The following DLC1 variants were observed in gnomAD, a reference collection of about 807,000 sequenced individuals.
The protein encoded by DLC1 is DLC1 Rho GTPase activating protein.
Under a neutral mutation model 140.3 loss-of-function variants are expected in DLC1, and 54 were observed. The ratio of observed to expected loss-of-function variants is 0.38; its 90% confidence interval spans 0.31 to 0.48. DLC1 has a LOEUF of 0.48. DLC1 is among the 20% of genes least tolerant of loss of function. DLC1 has a pLI of 0.96. For missense variants in DLC1, 2,536 were observed against 1,907.0 expected (o/e 1.33, Z -6.14); for synonymous variants, 986 against 728.1 (o/e 1.35, Z -5.70).
intron 5 of DLC1, chr8:13,276,179 A>T (rs1481907459): frequency 6.6e-7 from 1 of 1,506,422 alleles, no homozygotes; most frequent in African/African-American, 1.4e-5. Flanking sequence ...TCATGAACCA[A>T]GCTTATCACT....
intron 5 of DLC1, among the ~76,000 whole-genome samples, chr8:13,199,267 C>T (rs551656559): frequency 4.9e-5 from 7 of 142,674 alleles, no homozygotes; most frequent in African/African-American, 1.8e-4. Context: ...TCACTGTAAC[C>T]TTGAACTCCT....
chr8:13,424,017 G>C (rs1279692542), intron 2 of DLC1, among the ~76,000 whole-genome samples: 1 of 152,102 alleles, frequency 6.6e-6, no homozygotes, highest in South Asian at 2.1e-4. Flanking sequence ...AAAATAGAAA[G>C]TAAATTAAAC....
At chr8:13,229,429 A>T (rs1828944477) in intron 5 of DLC1, among the ~76,000 whole-genome samples, 1 of 152,244 alleles carries the variant, frequency 6.6e-6, no homozygotes, top group Admixed American at 6.5e-5. Flanking sequence ...CTTAGGACTC[A>T]GTTGGGGGGT....
chr8:13,469,011 G>C (rs1800082566), intron 2 of DLC1, among the ~76,000 whole-genome samples: 1 of 151,642 alleles, frequency 6.6e-6, no homozygotes, highest in Non-Finnish European at 1.5e-5. Flanking sequence ...AGTGGAGATG[G>C]GGTTTCACGA....
upstream of DLC1, among the ~76,000 whole-genome samples, chr8:13,516,440 G>A (rs2117273531): frequency 6.6e-6 from 1 of 152,234 alleles, no homozygotes; most frequent in Admixed American, 6.5e-5. Context: ...ATATTGGGTA[G>A]GTGATAACTC....
chr8:13,229,869 A>G (rs1223999706), intron 5 of DLC1, among the ~76,000 whole-genome samples: 1 of 152,260 alleles, frequency 6.6e-6, no homozygotes, highest in African/African-American at 2.4e-5. Flanking sequence ...AAACATTTCC[A>G]TCTTAGACCA....
intron 4 of DLC1, among the ~76,000 whole-genome samples, chr8:13,344,319 C>A (rs1834214344): frequency 6.6e-6 from 1 of 152,114 alleles, no homozygotes; most frequent in Non-Finnish European, 1.5e-5. Flanking sequence ...CATGGTGAAA[C>A]TTTGTCCCTA....
chr8:13,431,099 A>T (rs1026411336), intron 2 of DLC1, among the ~76,000 whole-genome samples: 6 of 152,202 alleles, frequency 3.9e-5, no homozygotes, highest in Non-Finnish European at 8.8e-5. Flanking sequence ...CTTCTCAGAA[A>T]CACTATTCAA....
intron 1 of DLC1, 70 bp downstream of exon 1, chr8:13,514,532 A>T (rs1802518761): frequency 2.5e-6 from 1 of 398,352 alleles, no homozygotes. Context: ...CAAGATGCTA[A>T]CATTTATCTC....
chr8:13,186,689 G>C (rs953054487), intron 5 of DLC1, among the ~76,000 whole-genome samples: 1 of 152,124 alleles, frequency 6.6e-6, no homozygotes, highest in Non-Finnish European at 1.5e-5. Context: ...GCTTTGTTCC[G>C]TTGCTGGCAA....
At chr8:13,539,185 G>GTATGTATGTATGTATGTA (rs35531208) in intron 1 of DLC1, among the ~76,000 whole-genome samples, 6 of 151,354 alleles carry the variant, frequency 4.0e-5, no homozygotes, top group South Asian at 2.1e-4. Flanking sequence ...GTATGTATGT[G>GTATGTATGTATGTATGTA]TGTATGTATG....
intron 4 of DLC1, chr8:13,342,429 C>G (rs973101623): frequency 1.3e-5 from 2 of 152,168 alleles, no homozygotes; most frequent in African/African-American, 4.8e-5. Context: ...TTTGACCAGT[C>G]TAGATATTGC....
chr8:13,499,469 T>C lies in DLC1; in HGVS notation c.603A>G (p.Glu201=). The part of the protein sequence containing the change: ...LELCNEISLS[E]IKDAPKVNAV... Reference sequence around the variant, plus strand: ...CATTTACTTTGGGTGCATCTTTTATTTCACTTAAGCTTATTTCATTGCAAA... The same window carrying C: ...CATTTACTTTGGGTGCATCTTTTATCTCACTTAAGCTTATTTCATTGCAAA... The change falls in exon 2 of 18, where the codon GAA becomes GAG. Residue 201 remains glutamate (E), a synonymous_variant. Transcript: ENST00000276297. 1 of 1,614,096 alleles carries C rather than the reference T, an allele frequency of 6.2e-7. No homozygotes were observed. The highest frequency in any genetic ancestry group is 1.7e-5 in the Admixed American group (1 of 59,986).
Position 13,546,006 on chromosome 8 carries a change from G to C in DLC1, c.-125-45810C>G, listed in dbSNP as rs985165431. ...CACAAGTTATTAGATACGTGCGTTG[G>C]CTTCCAGGATATGTTAAAGAGAATG... On this transcript the variant is annotated intron_variant, in intron 1 of 1. Coordinates refer to the DLC1 transcript ENST00000631382. Among the ~76,000 whole-genome samples the C allele has an allele frequency of 2.0e-5, 3 of 152,072 alleles. No individual in the cohort carries two copies. In the East Asian group the frequency reaches 5.8e-4, roughly 29 times the overall value.
chr8:13,286,781 A>T (rs1831549510), intron 5 of DLC1, among the ~76,000 whole-genome samples: 1 of 151,872 alleles, frequency 6.6e-6, no homozygotes, highest in African/African-American at 2.4e-5. Context: ...TTTGATTGGC[A>T]TAAAAATGCT....
chr8:13,500,670 G>A (rs1322024980), intron 1 of DLC1, among the ~76,000 whole-genome samples: 4 of 152,186 alleles, frequency 2.6e-5, no homozygotes, highest in African/African-American at 9.7e-5. Flanking sequence ...TATAGAGACA[G>A]CATGTGTAAT....
chr8:13,249,306 G>C (rs1357128748), intron 5 of DLC1, among the ~76,000 whole-genome samples: 1 of 152,116 alleles, frequency 6.6e-6, no homozygotes, highest in Non-Finnish European at 1.5e-5. Context: ...TCCAACTCTT[G>C]ACTTCAGGCA....
intron 2 of DLC1, among the ~76,000 whole-genome samples, chr8:13,447,428 G>A (rs945528178): frequency 1.3e-5 from 2 of 152,204 alleles, no homozygotes; most frequent in East Asian, 3.9e-4. Flanking sequence ...GTGGCTGTGG[G>A]GACTTGCTTT....
In DLC1 at chr8:13,098,491, C is replaced by G; in HGVS notation, c.3075G>C (p.Val1025=). 1 of 1,614,176 alleles carries G rather than the reference C, an allele frequency of 6.2e-7. No homozygotes were observed. Among genetic ancestry groups the G allele is most frequent in the African/African-American group, 1.3e-5 (1 of 75,052 alleles). Reference sequence around the variant, plus strand: ...ATTTCTGCAGCAGGTTCATCTGGGCCACAGACTGGCAGTTAATCTGTAGTG... The same window carrying G: ...ATTTCTGCAGCAGGTTCATCTGGGCGACAGACTGGCAGTTAATCTGTAGTG... ...SVSLQINCQS[V]AQMNLLQKYS... is the part of the protein sequence containing the mutation. Residue 1025 remains valine (V), a synonymous_variant, in exon 10 of 18, where the codon GTG becomes GTC. Transcript: ENST00000276297.
Sources: gnomAD v4.1 joint callset for allele counts (sites outside exome capture counted in the v4.1 genomes callset) on GRCh38, gnomAD v4.1.1 for gene constraint, MANE v1.5 for transcripts, NCBI Gene and HGNC (gene_info 2026-07-23, HGNC 2026-07-21) for gene names.